Variants in SLC7A6 observed in about 807,000 individuals in gnomAD.
SLC7A6 encodes solute carrier family 7 member 6.
In SLC7A6, 29 loss-of-function variants were observed where a neutral mutation model predicts 46.6. The ratio of observed to expected loss-of-function variants is 0.62; its 90% CI spans 0.46 to 0.85. SLC7A6 has a LOEUF of 0.85. Among genes scored for constraint, SLC7A6 ranks in the 40% least tolerant of loss-of-function variants. The pLI, the probability that SLC7A6 is intolerant of heterozygous loss-of-function variation, is 0.00. For missense variants in SLC7A6, 527 were observed against 647.6 expected, an observed-to-expected ratio of 0.81 and a Z score of 2.02; for synonymous variants, 276 against 257.3, an observed-to-expected ratio of 1.07 and a Z score of -0.70.
At chr16:68,287,113 GA>G (rs1354564790) in intron 3 of SLC7A6, among the ~76,000 whole-genome samples, 1 of 151,802 alleles carries the variant, frequency 6.6e-6, no homozygotes, top group Admixed American at 6.6e-5. Flanking sequence ...GAGTAGCTGG[GA>G]CTACAGGTGT....
intron 1 of SLC7A6, among the ~76,000 whole-genome samples, chr16:68,266,248 A>G (rs1201541216): frequency 6.6e-6 from 1 of 152,078 alleles, no homozygotes; most frequent in Non-Finnish European, 1.5e-5. Context: ...CAACAGAGCG[A>G]GACTCCATCT....
At chr16:68,277,883 C>A (rs1391044677) in intron 3 of SLC7A6, among the ~76,000 whole-genome samples, 2 of 151,930 alleles carry the variant, frequency 1.3e-5, no homozygotes, top group Non-Finnish European at 2.9e-5. Context: ...CACCCGGCCT[C>A]CCAAAGTGCT....
In SLC7A6 at chr16:68,290,427, G is replaced by A. The variant is rs746561816; in HGVS notation, c.681G>A (p.Glu227=). The change falls in exon 5 of 11, where the codon GAG becomes GAA. Residue 227 remains glutamate, a synonymous_variant. Coordinates refer to ENST00000219343, the MANE Select transcript of SLC7A6 (RefSeq NM_003983.6). ...CTGAGCACTTTCAGGACGCCTTTGA[G>A]GGTTCCTCCTGGGACATGGGAAACC... The part of the protein sequence containing the change: ...GHSEHFQDAF[E]GSSWDMGNLS... 1.9e-6 allele frequency: 3 copies of A among 1,614,082 alleles called. No individual in the cohort carries two copies. The highest frequency in any genetic ancestry group is 2.5e-6 in the Non-Finnish European group (3 of 1,180,020).
At chr16:68,277,059 T>G (rs2042724112) in intron 3 of SLC7A6, among the ~76,000 whole-genome samples, 1 of 151,802 alleles carries the variant, frequency 6.6e-6, no homozygotes, top group African/African-American at 2.4e-5. Flanking sequence ...AAATTACTCT[T>G]AAGTCATCCA....
intron 3 of SLC7A6, among the ~76,000 whole-genome samples, chr16:68,277,148 A>G (rs957385036): frequency 1.3e-5 from 2 of 150,532 alleles, no homozygotes; most frequent in African/African-American, 4.9e-5. Context: ...GTACAATGGC[A>G]TGATCTCAGC....
intron 3 of SLC7A6, among the ~76,000 whole-genome samples, chr16:68,280,805 G>C (rs1179484416): frequency 6.6e-6 from 1 of 151,868 alleles, no homozygotes; most frequent in African/African-American, 2.4e-5. Context: ...CGCGATCTCG[G>C]CTCACTGCAA....
At chr16:68,287,400 T>G (rs1381423308) in intron 3 of SLC7A6, 1 of 1,305,804 alleles carries the variant, frequency 7.7e-7, no homozygotes, top group Admixed American at 2.3e-5. Flanking sequence ...TTGTGTCTCC[T>G]GTGGTTTGGA....
Position 68,289,563 on chromosome 16 carries a change from C to G in SLC7A6, c.650-833C>G, listed in dbSNP as rs117262595. On this transcript the variant is annotated intron_variant, in intron 4 of 10. Coordinates refer to ENST00000219343, the MANE Select transcript of SLC7A6 (RefSeq NM_003983.6). ...TTGCTGCATAGCCAGCTCTTTTTAC[C>G]ACATGAGAGCTGGGTCTAGGCTTTC... Among the ~76,000 whole-genome samples, 56 of 152,234 alleles carry G rather than the reference C, an allele frequency of 3.7e-4. No individual in the cohort carries two copies. In the East Asian group the frequency reaches 9.5e-3, roughly 26 times the overall value.
rs1228255930 is a variant in SLC7A6, at chr16:68,299,622, T to C, written c.*2294T>C. ...TATTAAGTTGTCAGCCCTTTAATAT[T>C]GGGGAAACTTAATGAGTATAAATAG... On this transcript the variant is annotated 3_prime_UTR_variant, in exon 11 of 11. Transcript: ENST00000219343. The C allele has an allele frequency of 6.6e-6, 1 of 152,210 alleles. No homozygotes were observed. Among genetic ancestry groups the C allele is most frequent in the Non-Finnish European group, 1.5e-5 (1 of 68,038 alleles). The allele number at this position is 152,210 out of a possible 1,614,324, so 9.4% of individuals were successfully genotyped here.
At chr16:68,295,091 A>C (rs1597009652) in intron 8 of SLC7A6, among the ~76,000 whole-genome samples, 1 of 152,102 alleles carries the variant, frequency 6.6e-6, no homozygotes, top group South Asian at 2.1e-4. Context: ...CCATTTTCCC[A>C]CAGTTTTCAA....
intron 7 of SLC7A6, among the ~76,000 whole-genome samples, chr16:68,293,344 A>C (rs2043095830): frequency 6.6e-5 from 10 of 152,206 alleles, no homozygotes; most frequent in Admixed American, 6.5e-4. Context: ...GAATTGCCTG[A>C]ACCCAGGAGG....
At chr16:68,268,938 CGGAGGTTGCAGTGA>C (rs2042579697) in intron 2 of SLC7A6, among the ~76,000 whole-genome samples, 1 of 151,712 alleles carries the variant, frequency 6.6e-6, no homozygotes, top group Admixed American at 6.6e-5. Flanking sequence ...ACCCAGGAGG[CGGAGGTTGCAGTGA>C]GCCAAGATCG....
intron 2 of SLC7A6, among the ~76,000 whole-genome samples, chr16:68,274,187 T>G (rs1468681149): frequency 6.6e-6 from 1 of 152,198 alleles, no homozygotes; most frequent in Non-Finnish European, 1.5e-5. Flanking sequence ...TAGCTGCAGA[T>G]GTCTCCATGT....
rs1340076275 is a variant in SLC7A6, at chr16:68,300,610, C to T, written c.*3282C>T. On this transcript the variant is annotated 3_prime_UTR_variant, in exon 11 of 11. Coordinates refer to ENST00000219343, the MANE Select transcript of SLC7A6 (RefSeq NM_003983.6). Reference sequence around the variant, plus strand: ...GATTTAAAAGGTTTTCAAAGAATTACTTTCTTCCATGTTCAAAGCTAGATT... The same window carrying T: ...GATTTAAAAGGTTTTCAAAGAATTATTTTCTTCCATGTTCAAAGCTAGATT... 3.0e-6 allele frequency: 3 copies of T among 984,902 alleles called. No homozygotes were observed. Among genetic ancestry groups the T allele is most frequent in the East Asian group, 1.1e-4 (1 of 8,822 alleles). 61.0% of individuals were successfully genotyped at this position (984,902 alleles called of 1,614,324 possible). A position where few individuals can be genotyped will look rare whatever the true frequency, so the allele number is the denominator to read the frequency against.
At position 68,296,634 on chromosome 16, in the gene SLC7A6, T is replaced by TG; in HGVS notation, c.1278dup (p.Phe427ValfsTer21). The TG allele has an allele frequency of 6.2e-7, 1 of 1,614,210 alleles. No homozygotes were observed. Among genetic ancestry groups the TG allele is most frequent in the South Asian group, 1.1e-5 (1 of 91,088 alleles). ...TCACCCCCTCTATTTCAGCTGAGCG[T>TG]GTTTTTCCCCATCGTGTTCTGCATA... On this transcript the variant is annotated frameshift_variant, in exon 10 of 11. Coordinates refer to ENST00000219343, the MANE Select transcript of SLC7A6 (RefSeq NM_003983.6). LOFTEE classifies it high-confidence loss of function.
chr16:68,280,916 G>A (rs2042818571), intron 3 of SLC7A6, among the ~76,000 whole-genome samples: 2 of 152,184 alleles, frequency 1.3e-5, no homozygotes. Flanking sequence ...TGTATTTTTA[G>A]TGGAGATGGG....
chr16:68,268,422 G>A (rs1047222068), intron 2 of SLC7A6, among the ~76,000 whole-genome samples: 3 of 152,158 alleles, frequency 2.0e-5, no homozygotes, highest in African/African-American at 7.2e-5. Context: ...TGGTGTGAGA[G>A]TACACAGTAA....
rs899010272 is a variant in SLC7A6, at chr16:68,298,223, C to G, written c.*895C>G. ...TTACTTGAGACCTTACATCTTTGTT[C>G]TAGCTGACAGTAAATCTCTGGGTTT... On this transcript the variant is annotated 3_prime_UTR_variant, in exon 11 of 11. Transcript: ENST00000219343. The G allele has an allele frequency of 6.6e-6, 1 of 152,612 alleles. No homozygotes were observed. The highest frequency in any genetic ancestry group is 1.5e-5 in the Non-Finnish European group (1 of 68,044). The allele number at this position is 152,612 out of a possible 1,614,324, so 9.5% of individuals were successfully genotyped here.
Position 68,301,141 on chromosome 16 carries a change from G to C in SLC7A6, c.*3813G>C. ...GTTTTCACTGTGGTGGGATGGTGCCGCCCGATATGCTTGATATGCTTTTCC... is the reference window on the plus strand; with the variant it reads ...GTTTTCACTGTGGTGGGATGGTGCCCCCCGATATGCTTGATATGCTTTTCC... On this transcript the variant is annotated 3_prime_UTR_variant, in exon 11 of 11. Transcript: ENST00000219343. 6.9e-7 allele frequency: 1 copy of C among 1,446,106 alleles called. No individual in the cohort carries two copies. The allele number at this position is 1,446,106 out of a possible 1,614,324, so 89.6% of individuals were successfully genotyped here. A position where few individuals can be genotyped will look rare whatever the true frequency, so the allele number is the denominator to read the frequency against.
Sources: gnomAD v4.1 joint callset for allele counts (sites outside exome capture counted in the v4.1 genomes callset) on GRCh38, gnomAD v4.1.1 for gene constraint, MANE v1.5 for transcripts, NCBI Gene and HGNC (gene_info 2026-07-23, HGNC 2026-07-21) for gene names.